The following KIF13B variants were observed in gnomAD, a reference collection of about 807,000 sequenced individuals.
KIF13B encodes kinesin-like protein KIF13B.
A neutral mutation model predicts 222.0 loss-of-function variants in KIF13B; 127 were observed. The ratio of observed to expected loss-of-function variants is 0.57; its 90% CI spans 0.50 to 0.66. The LOEUF is 0.66. KIF13B is among the 30% of genes least tolerant of loss of function. The pLI, the probability that KIF13B is intolerant of heterozygous loss-of-function variation, is 0.00. For missense variants in KIF13B, 2,173 were observed against 2,379.0 expected (o/e 0.91, Z 1.80); for synonymous variants, 976 against 919.0 (o/e 1.06, Z -1.12).
At chr8:29,191,334 AT>A (rs1287346296) in intron 3 of KIF13B, among the ~76,000 whole-genome samples, 3 of 151,750 alleles carry the variant, frequency 2.0e-5, no homozygotes, top group South Asian at 2.1e-4. Flanking sequence ...TCTATAGTTT[AT>A]TTTTTTGCAG....
chr8:29,228,035 A>G (rs878867425), intron 2 of KIF13B, among the ~76,000 whole-genome samples: 25 of 151,590 alleles, frequency 1.6e-4, no homozygotes, highest in African/African-American at 6.1e-4. Flanking sequence ...AATTTTTTTT[A>G]TAATTTGGTT....
Position 29,190,915 on chromosome 8 carries a change from T to G in KIF13B, c.223+82A>C, listed in dbSNP as rs1444364465. 4.7e-6 allele frequency: 5 copies of G among 1,056,334 alleles called. No individual in the cohort carries two copies. The Admixed American group carries it at 5.1e-5, about 11-fold the overall frequency. 65.4% of individuals were successfully genotyped at this position (1,056,334 alleles called of 1,614,324 possible). On this transcript the variant is annotated intron_variant, in intron 4 of 39. Transcript: ENST00000524189. ...GAGGAAACACACAGTTTGGGGGGTT[T>G]GCCAAGCAATCGTGTAAGGGAAAAA...
intron 37 of KIF13B, among the ~76,000 whole-genome samples, chr8:29,083,506 A>C (rs1362653806): frequency 6.6e-6 from 1 of 151,832 alleles, no homozygotes; most frequent in East Asian, 1.9e-4. Flanking sequence ...TACTTGCTGA[A>C]GGGAATTTTA....
At chr8:29,252,167 C>T (rs778653823) in intron 1 of KIF13B, among the ~76,000 whole-genome samples, 3 of 152,184 alleles carry the variant, frequency 2.0e-5, no homozygotes, top group Admixed American at 6.5e-5. Context: ...AGGGCAAATT[C>T]CCCACAATGA....
In KIF13B at chr8:29,071,811, T is replaced by C; in HGVS notation, c.5027A>G (p.Asn1676Ser). Residue 1676 changes from asparagine to serine, a missense_variant, in exon 39 of 40, where the codon AAT becomes AGT. Physicochemically the swap from Asn to Ser is conservative, Grantham distance 46 (BLOSUM62 1). Transcript: ENST00000524189. The surrounding 1 kb of genome is among the most constrained non-coding windows in gnomAD (Gnocchi z 4.9). ...DPGCSPGAEGNAPAPGAGGQA... is the reference protein window; with the variant it reads ...DPGCSPGAEGSAPAPGAGGQA... ...TCCCCCGGCGCCCGGGGCCGGCGCA[T>C]TCCCCTCGGCCCCCGGGGAGCAGCC... 1 of 1,544,310 alleles carries C rather than the reference T, an allele frequency of 6.5e-7. No individual in the cohort carries two copies. The highest frequency in any genetic ancestry group is 2.4e-5 in the East Asian group (1 of 40,834).
At chr8:29,098,170 C>CAAAAAAAAAAAAAA (rs147089450) in intron 36 of KIF13B, among the ~76,000 whole-genome samples, 362 of 30,262 alleles carry the variant, frequency 0.012, 38 homozygotes, top group Non-Finnish European at 0.016. Flanking sequence ...GACTCCATCT[C>CAAAAAAAAAAAAAA]AAAAAAAAAA....
intron 13 of KIF13B, among the ~76,000 whole-genome samples, 174 bp downstream of exon 13, chr8:29,160,559 G>T (rs1811730196): frequency 6.6e-6 from 1 of 151,322 alleles, no homozygotes; most frequent in African/African-American, 2.5e-5. Context: ...TTTTTATATT[G>T]TCAGGTTGAA....
chr8:29,192,779 G>A (rs1813243463), intron 3 of KIF13B, among the ~76,000 whole-genome samples: 1 of 152,188 alleles, frequency 6.6e-6, no homozygotes, highest in African/African-American at 2.4e-5. Context: ...CAAAACGACA[G>A]GCGATGGGGG....
chr8:29,208,499 A>G (rs1814059370), intron 2 of KIF13B, among the ~76,000 whole-genome samples: 1 of 152,174 alleles, frequency 6.6e-6, no homozygotes, highest in South Asian at 2.1e-4. Flanking sequence ...TAGGCAGAGG[A>G]GTTATAGCTT....
chr8:29,250,181 C>T (rs986013981), intron 1 of KIF13B: 6 of 519,554 alleles, frequency 1.2e-5, no homozygotes, highest in Admixed American at 7.5e-5. Context: ...AAGAACATTT[C>T]GTCTGCACAG....
intron 2 of KIF13B, among the ~76,000 whole-genome samples, chr8:29,243,205 G>A (rs1815858777): frequency 6.6e-6 from 1 of 151,634 alleles, no homozygotes; most frequent in Non-Finnish European, 1.5e-5. Flanking sequence ...AAATTAGCTG[G>A]GAGTGATGGT....
At chr8:29,250,056 T>C (rs1199396208) in intron 1 of KIF13B, 1 of 1,288,784 alleles carries the variant, frequency 7.8e-7, no homozygotes, top group Admixed American at 2.3e-5. Flanking sequence ...TCTGACCATA[T>C]TGTATCAGCT....
At chr8:29,196,289 T>C (rs184678448) in intron 2 of KIF13B, 90 bp from the exon 3 acceptor site, 47 of 1,010,934 alleles carry the variant, frequency 4.6e-5, no homozygotes, top group Admixed American at 1.0e-4. Context: ...TTTTGAAGGG[T>C]AAAATAATAA....
At chr8:29,199,572 TCC>T (rs1813595160) in intron 2 of KIF13B, among the ~76,000 whole-genome samples, 1 of 23,416 alleles carries the variant, frequency 4.3e-5, no homozygotes, top group South Asian at 1.2e-3. Context: ...TATTCCAAAA[TCC>T]AAAAAAAAAA....
At chr8:29,239,143 C>A (rs1217325159) in intron 2 of KIF13B, among the ~76,000 whole-genome samples, 3 of 152,306 alleles carry the variant, frequency 2.0e-5, no homozygotes, top group Admixed American at 6.5e-5. Context: ...CCCAGCCCCC[C>A]AAACCATACA....
At chr8:29,203,037 T>C (rs769063154) in intron 2 of KIF13B, among the ~76,000 whole-genome samples, 5 of 152,182 alleles carry the variant, frequency 3.3e-5, no homozygotes, top group Admixed American at 6.5e-5. Context: ...GCCGAAACTG[T>C]TTCTACTGCT....
chr8:29,126,584 G>T, intron 25 of KIF13B, 73 bp from the exon 26 acceptor site: 2 of 862,894 alleles, frequency 2.3e-6, no homozygotes, highest in Non-Finnish European at 3.8e-6. Context: ...TAAACAATCT[G>T]ACTCTTTACC....
At position 29,072,251 on chromosome 8, in the gene KIF13B, G is replaced by T; in HGVS notation, c.4587C>A (p.Cys1529Ter). The T allele has an allele frequency of 6.8e-7, 1 of 1,470,282 alleles. No homozygotes were observed. The allele number at this position is 1,470,282 out of a possible 1,614,324, so 91.1% of individuals were successfully genotyped here. The change falls in exon 39 of 40, where the codon TGC (cysteine) becomes TGA (stop). Residue 1529 changes from cysteine (C) to a stop codon, truncating the protein, a stop_gained. Coordinates refer to ENST00000524189, the MANE Select transcript of KIF13B (RefSeq NM_015254.4). LOFTEE classifies it high-confidence loss of function. ...GGGAAGGCACTTTGGCAGGTTTGTC[G>T]CAGATCTTCAAGGCCGGGGCCCCCA... ...QTMGAPALKI[C>*]DKPAKVPSPP...
chr8:29,254,547 T>A (rs1360965915), intron 1 of KIF13B, among the ~76,000 whole-genome samples: 1 of 152,154 alleles, frequency 6.6e-6, no homozygotes, highest in Non-Finnish European at 1.5e-5. Flanking sequence ...AATATGCACA[T>A]GAAAAGACGC....
Sources: gnomAD v4.1 joint callset for allele counts (sites outside exome capture counted in the v4.1 genomes callset) on GRCh38, gnomAD v4.1.1 for gene constraint, Gnocchi (gnomAD v3.1) non-coding constraint, MANE v1.5 for transcripts, NCBI Gene and HGNC (gene_info 2026-07-23, HGNC 2026-07-21) for gene names.